CDH2: variants seen among roughly 807,000 people sequenced by gnomAD.
CDH2 encodes cadherin 2, also known as cadherin-2.
Under a neutral mutation model 92.0 loss-of-function variants are expected in CDH2, and 17 were observed. That is an observed-to-expected ratio of 0.18 (90% CI 0.13 to 0.28). The LOEUF (loss-of-function observed/expected upper bound fraction) is 0.28. Ranked by LOEUF, CDH2 falls within the 10% of genes least tolerant of loss-of-function variation. The pLI, the probability that CDH2 is intolerant of heterozygous loss-of-function variation, is 1.00. For synonymous variants in CDH2, 419 were observed against 415.9 expected (o/e 1.01, Z -0.09); for missense variants, 862 against 1,133.1 (o/e 0.76, Z 3.44).
intron 2 of CDH2, among the ~76,000 whole-genome samples, chr18:28,086,198 G>A (rs769531185): frequency 6.6e-6 from 1 of 152,084 alleles, no homozygotes; most frequent in Non-Finnish European, 1.5e-5. Flanking sequence ...TGTTTATACT[G>A]TTCTAAAGAA....
At chr18:28,130,241 G>C (rs1048256094) in intron 2 of CDH2, among the ~76,000 whole-genome samples, 1 of 152,146 alleles carries the variant, frequency 6.6e-6, no homozygotes, top group Non-Finnish European at 1.5e-5. Context: ...GGTCATCAGA[G>C]GTCCACACTG....
At chr18:27,936,990 G>C (rs1213148680) in intron 6 of CDH2, among the ~76,000 whole-genome samples, 1 of 152,176 alleles carries the variant, frequency 6.6e-6, no homozygotes, top group Non-Finnish European at 1.5e-5. Context: ...AACTGAATGT[G>C]CTGGTAAAAA....
intron 2 of CDH2, among the ~76,000 whole-genome samples, chr18:28,082,930 G>T (rs1032634019): frequency 6.6e-6 from 1 of 152,182 alleles, no homozygotes; most frequent in Non-Finnish European, 1.5e-5. Flanking sequence ...CAGGGTTAGG[G>T]TTTGCTGTTC....
intron 14 of CDH2, among the ~76,000 whole-genome samples, chr18:27,971,695 T>C (rs1271962774): frequency 1.3e-5 from 2 of 152,198 alleles, no homozygotes; most frequent in Admixed American, 1.3e-4. Context: ...ACTTTCCTTT[T>C]GTGAAATCAG....
At position 27,952,706 on chromosome 18, in the gene CDH2, T is replaced by C. The variant is rs558534614; in HGVS notation, c.2515-347A>G. On this transcript the variant is annotated intron_variant, in intron 15 of 15. Transcript: ENST00000269141. ...AAAGGATCTTAAATAACATAATATA[T>C]AGAGCAGCATTGCTAGATTAAATTT... Among the ~76,000 whole-genome samples, 3 of 152,154 alleles carry C rather than the reference T, an allele frequency of 2.0e-5. No homozygotes were observed. In the South Asian group the frequency reaches 6.2e-4, roughly 32 times the overall value.
At chr18:28,047,758 A>AC (rs1169095553) in intron 2 of CDH2, among the ~76,000 whole-genome samples, 20 of 150,590 alleles carry the variant, frequency 1.3e-4, no homozygotes, top group Admixed American at 1.3e-3. Context: ...AGTCCCAGCT[A>AC]CTCGGGAGGC....
intron 15 of CDH2, among the ~76,000 whole-genome samples, chr18:27,960,657 G>A (rs750996007): frequency 1.2e-4 from 19 of 152,150 alleles, no homozygotes; most frequent in Non-Finnish European, 2.4e-4. Flanking sequence ...TATATTACTT[G>A]CACAGTTATG....
intron 2 of CDH2, among the ~76,000 whole-genome samples, chr18:28,063,170 C>T (rs1000668643): frequency 1.3e-5 from 2 of 152,050 alleles, no homozygotes; most frequent in Non-Finnish European, 2.9e-5. Context: ...CTATTTGTTG[C>T]ATTAAAAACT....
intron 6 of CDH2, 85 bp downstream of exon 6, chr18:28,005,764 A>G: frequency 1.2e-6 from 1 of 848,458 alleles, no homozygotes; most frequent in Non-Finnish European, 1.7e-6. Context: ...GCCTCATATG[A>G]TTTCTCCATT....
intron 10 of CDH2, 34 bp from the exon 11 acceptor site, chr18:27,988,700 A>T (rs200922421): frequency 2.7e-6 from 4 of 1,505,770 alleles, no homozygotes; most frequent in Non-Finnish European, 2.7e-6. Flanking sequence ...ATTTCTTTTT[A>T]TGAAACTTTA....
At chr18:28,086,357 C>T (rs963350375) in intron 2 of CDH2, among the ~76,000 whole-genome samples, 2 of 151,988 alleles carry the variant, frequency 1.3e-5, no homozygotes, top group African/African-American at 4.8e-5. Context: ...CTGTATAGTT[C>T]CGTAAATCTC....
chr18:28,075,348 T>C (rs552983398), intron 2 of CDH2, among the ~76,000 whole-genome samples: 88 of 152,290 alleles, frequency 5.8e-4, no homozygotes, highest in African/African-American at 1.9e-3. Flanking sequence ...GAGCTCCTAA[T>C]AGAGCTTCAG....
chr18:28,055,400 T>C (rs1023136106), intron 2 of CDH2, among the ~76,000 whole-genome samples: 6 of 152,110 alleles, frequency 3.9e-5, no homozygotes, highest in Non-Finnish European at 8.8e-5. Flanking sequence ...CAGAAAATAA[T>C]GGTATTTAGG....
chr18:28,051,438 T>G (rs2014188812), intron 2 of CDH2, among the ~76,000 whole-genome samples: 1 of 152,156 alleles, frequency 6.6e-6, no homozygotes, highest in Non-Finnish European at 1.5e-5. Context: ...ATACTAGACT[T>G]GCAACTAAAA....
chr18:28,015,624 A>G (rs2013223654), intron 2 of CDH2, among the ~76,000 whole-genome samples: 1 of 152,166 alleles, frequency 6.6e-6, no homozygotes, highest in Non-Finnish European at 1.5e-5. Context: ...ATGGTCCTTA[A>G]AAACATAATC....
At chr18:28,097,716 T>G (rs2015160026) in intron 2 of CDH2, among the ~76,000 whole-genome samples, 1 of 152,236 alleles carries the variant, frequency 6.6e-6, no homozygotes, top group Non-Finnish European at 1.5e-5. Flanking sequence ...CTGCAGATTT[T>G]GGTATCCAAA....
chr18:28,127,329 TTC>T (rs896610290), intron 2 of CDH2, among the ~76,000 whole-genome samples: 1 of 152,176 alleles, frequency 6.6e-6, no homozygotes, highest in Non-Finnish European at 1.5e-5. Context: ...TGGATTCAAC[TTC>T]TGAGTGGCTT....
chr18:28,077,075 G>A (rs1054490085), intron 2 of CDH2, among the ~76,000 whole-genome samples: 1 of 151,910 alleles, frequency 6.6e-6, no homozygotes, highest in East Asian at 1.9e-4. Flanking sequence ...AGGAAAAGTG[G>A]GTACTAAACA....
At chr18:27,977,867 T>TA (rs1032555552) in intron 14 of CDH2, among the ~76,000 whole-genome samples, 19 of 151,012 alleles carry the variant, frequency 1.3e-4, no homozygotes, top group South Asian at 4.2e-4. Context: ...ACAGGCTCCA[T>TA]AAAAAAAAAG....
Sources: allele counts gnomAD v4.1 joint callset (sites outside exome capture counted in the v4.1 genomes callset), GRCh38; gene constraint gnomAD v4.1.1; transcripts MANE v1.5; gene names NCBI Gene and HGNC (gene_info 2026-07-23, HGNC 2026-07-21).